H1-7: variants seen among roughly 807,000 people sequenced by gnomAD.
The protein encoded by H1-7 is H1.7 linker histone.
H1-7 carries 1 observed loss-of-function variant against 0.3 expected under a neutral mutation model. That is an observed-to-expected ratio of 3.06 (90% CI 1.09 to 14.53). The LOEUF (loss-of-function observed/expected upper bound fraction) is 14.53, where lower values mean the gene tolerates loss of function less well. H1-7 is among the 30% of genes most tolerant of loss of function. The pLI, the probability that H1-7 is intolerant of heterozygous loss-of-function variation, is 0.12. For synonymous variants in H1-7, 177 were observed against 153.2 expected (o/e 1.16, Z -1.15); for missense variants, 393 against 353.1 (o/e 1.11, Z -0.91).
rs201470937 is a variant in H1-7, at chr12:48,329,113, G to GTT, written c.-178_-177dup. ...CTGGAGACTCTATAGGTAGGTGACTGTTGGGGGTGGACAGGCGCTGAAGAC... is the reference window on the plus strand; with the variant it reads ...CTGGAGACTCTATAGGTAGGTGACTGTTTTGGGGGTGGACAGGCGCTGAAGAC... On this transcript the variant is annotated 5_prime_UTR_variant, in exon 1 of 1. Coordinates refer to ENST00000335017, the MANE Select transcript of H1-7 (RefSeq NM_181788.1). 108 of 655,196 alleles carry GTT rather than the reference G, an allele frequency of 1.6e-4. 1 individual carries two copies. The East Asian group carries it at 2.0e-3, about 12-fold the overall frequency. 40.6% of individuals were successfully genotyped at this position (655,196 alleles called of 1,614,324 possible).
chr12:48,329,866 C>T lies in H1-7; in HGVS notation c.575C>T (p.Ala192Val). 1 of 1,588,936 alleles carries T rather than the reference C, an allele frequency of 6.3e-7. No homozygotes were observed. The highest frequency in any genetic ancestry group is 8.6e-7 in the Non-Finnish European group (1 of 1,168,260). The change falls in exon 1 of 1, where the codon GCA becomes GTA. Residue 192 changes from alanine to valine, a missense_variant. Ala to Val is a moderately conservative substitution (Grantham distance 64). Coordinates refer to ENST00000335017, the MANE Select transcript of H1-7 (RefSeq NM_181788.1). Reference sequence around the variant, plus strand: ...GCCAGGGCGAGGAGGACCAGGAGGGCAAGGCCGAGAGCCAAGGAGCCGCCG... The same window carrying T: ...GCCAGGGCGAGGAGGACCAGGAGGGTAAGGCCGAGAGCCAAGGAGCCGCCG... ...ANARARRTRRARPRAKEPPCA... is the reference protein window; with the variant it reads ...ANARARRTRRVRPRAKEPPCA...
At position 48,329,597 on chromosome 12, in the gene H1-7, G is replaced by A; in HGVS notation, c.306G>A (p.Gly102=). 1.9e-6 allele frequency: 3 copies of A among 1,612,814 alleles called. No homozygotes were observed. The highest frequency in any genetic ancestry group is 1.3e-5 in the African/African-American group (1 of 75,034). ...GCGGCCGCCACGAAGCGCCCAGGGG[G>A]CAGGCCAAGGCCACGCTCCTCCGGG... ...RKSGRHEAPR[G]QAKATLLRVS... The change falls in exon 1 of 1, where the codon GGG becomes GGA. Residue 102 remains glycine (G), a synonymous_variant. Transcript: ENST00000335017.
Position 48,329,497 on chromosome 12 carries a change from C to G in H1-7, c.206C>G (p.Ser69Cys). The part of the protein sequence containing the change: ...RVSQLVLQAI[S>C]THKGLTLAAL... Reference sequence around the variant, plus strand: ...TCCCAGTTGGTGCTCCAGGCCATCTCCACTCACAAAGGGCTGACTCTGGCA... The same window carrying G: ...TCCCAGTTGGTGCTCCAGGCCATCTGCACTCACAAAGGGCTGACTCTGGCA... The change falls in exon 1 of 1, where the codon TCC (serine) becomes TGC (cysteine). Residue 69 changes from serine to cysteine, a missense_variant. Ser to Cys is a moderately radical substitution (Grantham distance 112). Coordinates refer to ENST00000335017, the MANE Select transcript of H1-7 (RefSeq NM_181788.1). 5.0e-6 allele frequency: 8 copies of G among 1,614,054 alleles called. No individual in the cohort carries two copies. Among genetic ancestry groups the G allele is most frequent in the Non-Finnish European group, 6.8e-6 (8 of 1,179,988 alleles).
chr12:48,329,943 G>C lies in H1-7; in HGVS notation c.652G>C (p.Gly218Arg). The C allele has an allele frequency of 6.2e-7, 1 of 1,609,164 alleles. No homozygotes were observed. The highest frequency in any genetic ancestry group is 8.5e-7 in the Non-Finnish European group (1 of 1,177,890). ...AGCGACAGCGGCAGACGAGGGGCGA[G>C]GACAGGCCGTGAAGGAAGACACCAC... is the stretch of plus-strand genomic sequence containing the variant. ...AGATAADEGR[G>R]QAVKEDTTPR... The change falls in exon 1 of 1, where the codon GGA (glycine) becomes CGA (arginine). Residue 218 changes from glycine (G) to arginine (R), a missense_variant. Transcript: ENST00000335017.
At position 48,329,073 on chromosome 12, in the gene H1-7, T is replaced by TCA; in HGVS notation, c.-219_-218insCA. ...TGGAGATCGAGATCAGTAAGTTTGA[T>TCA]TTGGGAACAAAACCCTGGAGACTCT... On this transcript the variant is annotated 5_prime_UTR_variant, in exon 1 of 1. Transcript: ENST00000335017. 4.2e-6 allele frequency: 2 copies of TCA among 479,716 alleles called. No individual in the cohort carries two copies. The highest frequency in any genetic ancestry group is 7.2e-6 in the Non-Finnish European group (2 of 278,282). The allele number at this position is 479,716 out of a possible 1,614,324, so 29.7% of individuals were successfully genotyped here. A position where few individuals can be genotyped will look rare whatever the true frequency, so the allele number is the denominator to read the frequency against.
Position 48,330,232 on chromosome 12 carries a change from A to G in H1-7, c.*173A>G. 1.4e-6 allele frequency: 1 copy of G among 704,202 alleles called. No homozygotes were observed. Among genetic ancestry groups the G allele is most frequent in the Non-Finnish European group, 2.4e-6 (1 of 424,066 alleles). The allele number at this position is 704,202 out of a possible 1,614,324, so 43.6% of individuals were successfully genotyped here. A position where few individuals can be genotyped will look rare whatever the true frequency, so the allele number is the denominator to read the frequency against. On this transcript the variant is annotated 3_prime_UTR_variant, in exon 1 of 1. Transcript: ENST00000335017. ...CAATGCCTTTCCCCCATAGGCCCCA[A>G]GAAGAGCGGCTGTCACACTCATTGA...
Position 48,330,106 on chromosome 12 carries a change from C to G in H1-7, c.*47C>G. 6.5e-7 allele frequency: 1 copy of G among 1,537,230 alleles called. No homozygotes were observed. Among genetic ancestry groups the G allele is most frequent in the Non-Finnish European group, 8.7e-7 (1 of 1,146,158 alleles). The stretch of plus-strand genomic sequence containing the variant: ...CGGACATCTAGCGGGCAGGGGAAGA[C>G]TCCACTAAAGACTTCCACAAAGACC... On this transcript the variant is annotated 3_prime_UTR_variant, in exon 1 of 1. Coordinates refer to ENST00000335017, the MANE Select transcript of H1-7 (RefSeq NM_181788.1).
Position 48,329,813 on chromosome 12 carries a change from G to A in H1-7, c.522G>A (p.Arg174=). The A allele has an allele frequency of 6.3e-7, 1 of 1,595,998 alleles. No homozygotes were observed. The highest frequency in any genetic ancestry group is 8.5e-7 in the Non-Finnish European group (1 of 1,172,020). ...GGAAGGCCAGAGAAGTGTGGAGACG[G>A]AACGCGAGGGCGAAAGCCAAGGCCA... ...AARKAREVWR[R]NARAKAKANA... Residue 174 remains arginine (R), a synonymous_variant, in exon 1 of 1, where the codon CGG becomes CGA. Transcript: ENST00000335017.
Position 48,329,918 on chromosome 12 carries a change from A to G in H1-7, c.627A>G (p.Gly209=). 1 of 1,598,718 alleles carries G rather than the reference A, an allele frequency of 6.3e-7. No individual in the cohort carries two copies. The highest frequency in any genetic ancestry group is 8.5e-7 in the Non-Finnish European group (1 of 1,173,286). ...PPCARAKEEA[G]ATAADEGRGQ... ...GTGCCAGAGCCAAGGAGGAAGCGGG[A>G]GCGACAGCGGCAGACGAGGGGCGAG... The change falls in exon 1 of 1, where the codon GGA becomes GGG. Residue 209 remains glycine, a synonymous_variant. Coordinates refer to ENST00000335017, the MANE Select transcript of H1-7 (RefSeq NM_181788.1).
chr12:48,328,985 A>T lies in H1-7; in HGVS notation c.-307A>T, dbSNP rs1164809618. The T allele has an allele frequency of 3.1e-6, 1 of 319,350 alleles. No individual in the cohort carries two copies. The highest frequency in any genetic ancestry group is 5.7e-6 in the Non-Finnish European group (1 of 174,308). The allele number at this position is 319,350 out of a possible 1,614,324, so 19.8% of individuals were successfully genotyped here. On this transcript the variant is annotated 5_prime_UTR_variant, in exon 1 of 1. Transcript: ENST00000335017. ...GGGAGCAGCTTCGCTCACCTTAAGG[A>T]ACTGTGGGTAGATGGTTTGCAGGAC...
chr12:48,329,326 G>C lies in H1-7; in HGVS notation c.35G>C (p.Arg12Pro). The C allele has an allele frequency of 1.2e-6, 2 of 1,603,002 alleles. No homozygotes were observed. The highest frequency in any genetic ancestry group is 2.2e-5 in the South Asian group (2 of 88,984). ...EQALTGEAQSRWPRRGGSGAM... is the reference protein window; with the variant it reads ...EQALTGEAQSPWPRRGGSGAM... ...GCCTTGACTGGTGAGGCCCAAAGCCGGTGGCCCCGCAGAGGCGGGAGTGGG... is the reference window on the plus strand; with the variant it reads ...GCCTTGACTGGTGAGGCCCAAAGCCCGTGGCCCCGCAGAGGCGGGAGTGGG... Residue 12 changes from arginine to proline, a missense_variant, in exon 1 of 1, where the codon CGG (arginine) becomes CCG (proline). Transcript: ENST00000335017.
At position 48,329,061 on chromosome 12, in the gene H1-7, C is replaced by T. The variant is rs113894869; in HGVS notation, c.-231C>T. The T allele has an allele frequency of 4.1e-6, 2 of 482,658 alleles. No individual in the cohort carries two copies. The highest frequency in any genetic ancestry group is 4.0e-5 in the African/African-American group (2 of 49,590). 29.9% of individuals were successfully genotyped at this position (482,658 alleles called of 1,614,324 possible). On this transcript the variant is annotated 5_prime_UTR_variant, in exon 1 of 1. Coordinates refer to ENST00000335017, the MANE Select transcript of H1-7 (RefSeq NM_181788.1). ...TAAAGAAAGCGGTGGAGATCGAGATCAGTAAGTTTGATTTGGGAACAAAAC... is the reference window on the plus strand; with the variant it reads ...TAAAGAAAGCGGTGGAGATCGAGATTAGTAAGTTTGATTTGGGAACAAAAC...
rs1952547595 is a variant in H1-7, at chr12:48,329,900, A to G, written c.609A>G (p.Arg203=). 1 of 1,594,422 alleles carries G rather than the reference A, an allele frequency of 6.3e-7. No homozygotes were observed. Among genetic ancestry groups the G allele is most frequent in the African/African-American group, 1.3e-5 (1 of 74,654 alleles). Reference sequence around the variant, plus strand: ...GAGCCAAGGAGCCGCCGTGTGCCAGAGCCAAGGAGGAAGCGGGAGCGACAG... The same window carrying G: ...GAGCCAAGGAGCCGCCGTGTGCCAGGGCCAAGGAGGAAGCGGGAGCGACAG... The part of the protein sequence containing the change: ...RPRAKEPPCA[R]AKEEAGATAA... The change falls in exon 1 of 1, where the codon AGA becomes AGG. Residue 203 remains arginine (R), a synonymous_variant. Transcript: ENST00000335017.
Position 48,329,087 on chromosome 12 carries a change from C to A in H1-7, c.-205C>A. ...AGTAAGTTTGATTTGGGAACAAAAC[C>A]CTGGAGACTCTATAGGTAGGTGACT... On this transcript the variant is annotated 5_prime_UTR_variant, in exon 1 of 1. Coordinates refer to ENST00000335017, the MANE Select transcript of H1-7 (RefSeq NM_181788.1). The A allele has an allele frequency of 3.7e-6, 2 of 541,582 alleles. No individual in the cohort carries two copies. The highest frequency in any genetic ancestry group is 6.2e-5 in the South Asian group (2 of 32,500). The allele number at this position is 541,582 out of a possible 1,614,324, so 33.5% of individuals were successfully genotyped here.
In H1-7 at chr12:48,329,873, GAGAGCCAAGGAGCCGCCGTGTGCC is replaced by G. The variant is rs772458100; in HGVS notation, c.595_618del (p.Pro199_Glu206del). ...CGAGGAGGACCAGGAGGGCAAGGCC[GAGAGCCAAGGAGCCGCCGTGTGCC>G]AGAGCCAAGGAGGAAGCGGGAGCGA... On this transcript the variant is annotated inframe_deletion, in exon 1 of 1. Transcript: ENST00000335017. 36 of 1,588,790 alleles carry G rather than the reference GAGAGCCAAGGAGCCGCCGTGTGCC, an allele frequency of 2.3e-5. No individual in the cohort carries two copies. The highest frequency in any genetic ancestry group is 5.6e-5 in the Admixed American group (3 of 54,036).
rs1379727705 is a variant in H1-7 at position 48,329,673 on chromosome 12, C to T, written c.382C>T (p.Pro128Ser). ...GYFRVWKVPK[P>S]RRKPGRARQE... is the part of the protein sequence containing the mutation. ...CTTCAGGGTCTGGAAGGTTCCCAAGCCCAGGAGAAAGCCGGGACGCGCGAG... is the reference window on the plus strand; with the variant it reads ...CTTCAGGGTCTGGAAGGTTCCCAAGTCCAGGAGAAAGCCGGGACGCGCGAG... The change falls in exon 1 of 1, where the codon CCC becomes TCC. Residue 128 changes from proline to serine, a missense_variant. Transcript: ENST00000335017. 9.9e-6 allele frequency: 16 copies of T among 1,611,516 alleles called. No individual in the cohort carries two copies. Among genetic ancestry groups the T allele is most frequent in the African/African-American group, 2.7e-5 (2 of 74,920 alleles).
At position 48,329,636 on chromosome 12, in the gene H1-7, C is replaced by T. The variant is rs1418045246; in HGVS notation, c.345C>T (p.Asp115=). ...KATLLRVSGS[D]AAGYFRVWKV... is the part of the protein sequence containing the mutation. ...CGCTCCTCCGGGTCAGCGGCAGCGACGCCGCCGGCTACTTCAGGGTCTGGA... is the reference window on the plus strand; with the variant it reads ...CGCTCCTCCGGGTCAGCGGCAGCGATGCCGCCGGCTACTTCAGGGTCTGGA... The change falls in exon 1 of 1, where the codon GAC becomes GAT. Residue 115 remains aspartate, a synonymous_variant. Transcript: ENST00000335017. 7 of 1,611,548 alleles carry T rather than the reference C, an allele frequency of 4.3e-6. No homozygotes were observed. In the East Asian group the frequency reaches 8.9e-5, roughly 21 times the overall value.
rs1020554893 is a variant in H1-7 at position 48,330,078 on chromosome 12, G to T, written c.*19G>T. On this transcript the variant is annotated 3_prime_UTR_variant, in exon 1 of 1. Coordinates refer to ENST00000335017, the MANE Select transcript of H1-7 (RefSeq NM_181788.1). Reference sequence around the variant, plus strand: ...CCAGTAGCCAACGCGGGCTAAAACCGACCGGACATCTAGCGGGCAGGGGAA... The same window carrying T: ...CCAGTAGCCAACGCGGGCTAAAACCTACCGGACATCTAGCGGGCAGGGGAA... 1.3e-6 allele frequency: 2 copies of T among 1,590,336 alleles called. No individual in the cohort carries two copies. Among genetic ancestry groups the T allele is most frequent in the South Asian group, 1.1e-5 (1 of 87,864 alleles).
In H1-7 at chr12:48,329,459, C is replaced by T. The variant is rs778092612; in HGVS notation, c.168C>T (p.Ser56=). The part of the protein sequence containing the change: ...VGGPSRGCSS[S]VLRVSQLVLQ... The stretch of plus-strand genomic sequence containing the variant: ...GACCATCGAGGGGCTGCTCAAGCTC[C>T]GTGCTCAGAGTGTCCCAGTTGGTGC... Residue 56 remains serine, a synonymous_variant, in exon 1 of 1, where the codon TCC becomes TCT. Transcript: ENST00000335017. 3 of 1,614,170 alleles carry T rather than the reference C, an allele frequency of 1.9e-6. No homozygotes were observed. Among genetic ancestry groups the T allele is most frequent in the Admixed American group, 1.7e-5 (1 of 60,024 alleles).
Sources: allele counts gnomAD v4.1 joint callset, GRCh38; gene constraint gnomAD v4.1.1; transcripts MANE v1.5; gene names NCBI Gene and HGNC (gene_info 2026-07-23, HGNC 2026-07-21).